ADGRL1: variants seen among roughly 807,000 people sequenced by gnomAD.
ADGRL1 encodes adhesion G protein-coupled receptor L1, also known as CIRL-1.
Under a neutral mutation model 148.9 loss-of-function variants are expected in ADGRL1, and 31 were observed. That is an observed-to-expected ratio of 0.21 (90% confidence interval 0.16 to 0.28). The LOEUF is 0.28. Ranked by LOEUF, ADGRL1 falls within the 10% of genes least tolerant of loss-of-function variation. The pLI is 1.00. For synonymous variants in ADGRL1, 937 were observed against 900.3 expected, an observed-to-expected ratio of 1.04 and a Z score of -0.73; for missense variants, 1,521 against 2,058.8, an observed-to-expected ratio of 0.74 and a Z score of 5.05.
intron 1 of ADGRL1, among the ~76,000 whole-genome samples, chr19:14,186,750 G>A (rs1331944819): frequency 1.3e-5 from 2 of 152,098 alleles, no homozygotes. Context: ...GTGAACTGGT[G>A]CCACCAAGCT....
At chr19:14,196,668 G>C (rs1972284299) in intron 1 of ADGRL1, among the ~76,000 whole-genome samples, 1 of 152,138 alleles carries the variant, frequency 6.6e-6, no homozygotes, top group South Asian at 2.1e-4. Flanking sequence ...ACCAGGCACT[G>C]TTCTGCCTTA....
At chr19:14,194,068 C>T (rs1405764555) in intron 1 of ADGRL1, among the ~76,000 whole-genome samples, 3 of 152,160 alleles carry the variant, frequency 2.0e-5, no homozygotes, top group African/African-American at 4.8e-5. Context: ...ACAGTGAGAC[C>T]CCAGCTCTAC....
intron 2 of ADGRL1, among the ~76,000 whole-genome samples, chr19:14,181,160 G>T (rs1971164884): frequency 6.6e-6 from 1 of 152,248 alleles, no homozygotes; most frequent in Non-Finnish European, 1.5e-5. Context: ...CCCCAAACTT[G>T]TCATTGGTGT....
intron 3 of ADGRL1, among the ~76,000 whole-genome samples, chr19:14,175,330 TACAC>T (rs1203624826): frequency 1.3e-5 from 2 of 151,814 alleles, no homozygotes; most frequent in Admixed American, 6.6e-5. Context: ...CTCATCCACA[TACAC>T]ACATCTGCCC....
chr19:14,203,622 G>C (rs2145196272), intron 1 of ADGRL1, among the ~76,000 whole-genome samples: 1 of 137,004 alleles, frequency 7.3e-6, no homozygotes, highest in Non-Finnish European at 1.6e-5. Context: ...GTGCCCACAG[G>C]GTCCTCCAAG....
At chr19:14,167,853 C>G (rs112966063) in intron 4 of ADGRL1, among the ~76,000 whole-genome samples, 6 of 152,148 alleles carry the variant, frequency 3.9e-5, no homozygotes, top group Admixed American at 2.6e-4. Context: ...GTCTGAGGCT[C>G]GGCTTCTCTG....
chr19:14,193,771 G>C (rs1222270142), intron 1 of ADGRL1, among the ~76,000 whole-genome samples: 4 of 152,232 alleles, frequency 2.6e-5, no homozygotes, highest in Admixed American at 2.6e-4. Flanking sequence ...AGAAGACCAT[G>C]TGACCATGAA....
chr19:14,156,569 G>T (rs929283804), intron 16 of ADGRL1, 89 bp downstream of exon 16: 11 of 885,254 alleles, frequency 1.2e-5, no homozygotes, highest in Admixed American at 8.3e-5. Context: ...GTGTGTGTGG[G>T]GGGGGTGGGG....
chr19:14,167,853 C>A (rs112966063), intron 4 of ADGRL1, among the ~76,000 whole-genome samples: 1 of 152,148 alleles, frequency 6.6e-6, no homozygotes, highest in African/African-American at 2.4e-5. Context: ...GTCTGAGGCT[C>A]GGCTTCTCTG....
At chr19:14,185,592 C>A (rs951450809) in intron 1 of ADGRL1, among the ~76,000 whole-genome samples, 9 of 152,284 alleles carry the variant, frequency 5.9e-5, no homozygotes, top group Middle Eastern at 3.4e-3. Context: ...CTGTGCTGGC[C>A]AGAAACACAC....
chr19:14,160,105 GC>G lies in ADGRL1; in HGVS notation c.1800+6del. The G allele has an allele frequency of 6.4e-7, 1 of 1,574,534 alleles. No homozygotes were observed. The highest frequency in any genetic ancestry group is 1.1e-5 in the South Asian group (1 of 89,030). ...CATACCAGGTCAGCGCCACCGCCAG[GC>G]CCCACCTTGTTGTAGTTCTTGCCGG... is the stretch of plus-strand genomic sequence containing the variant. On this transcript the variant is annotated splice_donor_region_variant and intron_variant, in intron 8 of 22. Transcript: ENST00000361434. The surrounding 1 kb of genome is among the most constrained non-coding windows in gnomAD (Gnocchi z 5.9).
In ADGRL1 at chr19:14,162,651, C is replaced by T. The variant is rs1263631822; in HGVS notation, c.1150G>A (p.Val384Met). 10 of 1,613,268 alleles carry T rather than the reference C, an allele frequency of 6.2e-6. No homozygotes were observed. Among genetic ancestry groups the T allele is most frequent in the Admixed American group, 3.3e-5 (2 of 59,984 alleles). The change falls in exon 5 of 23, where the codon GTG (valine) becomes ATG (methionine). Residue 384 changes from valine to methionine, a missense_variant. This residue lies in a region of ADGRL1 where 270 missense variants were observed against 320.4 expected (regional missense o/e 0.84). Coordinates refer to ENST00000361434, the MANE Select transcript of ADGRL1 (RefSeq NM_014921.5). This position sits in a 1 kb window ranked among gnomAD's most constrained non-coding sequence, Gnocchi z 5.4. Reference sequence around the variant, plus strand: ...CCGAACTCCAGGCTGTAGCGCACCACGAAATAGTTGTTCCAGACGTACAGC... The same window carrying T: ...CCGAACTCCAGGCTGTAGCGCACCATGAAATAGTTGTTCCAGACGTACAGC... ...NQLYVWNNYF[V>M]VRYSLEFGPP...
At position 14,158,359 on chromosome 19, in the gene ADGRL1, G is replaced by A. The variant is rs760317415; in HGVS notation, c.2343C>T (p.Ile781=). 2.7e-5 allele frequency: 43 copies of A among 1,613,644 alleles called. No individual in the cohort carries two copies. Among genetic ancestry groups the A allele is most frequent in the Non-Finnish European group, 3.5e-5 (41 of 1,180,028 alleles). Residue 781 remains isoleucine, a synonymous_variant, in exon 12 of 23, where the codon ATC becomes ATT. Coordinates refer to ENST00000361434, the MANE Select transcript of ADGRL1 (RefSeq NM_014921.5). ...SSRVFLMDPV[I]FTVAHLEDKN... ...TCACCTCCAGGTGGGCCACGGTGAA[G>A]ATGACAGGGTCCATGAGGAAGACGC...
Position 14,160,261 on chromosome 19 carries a change from C to G in ADGRL1, c.1651G>C (p.Glu551Gln), listed in dbSNP as rs1969215215. 6.3e-7 allele frequency: 1 copy of G among 1,593,062 alleles called. No homozygotes were observed. The highest frequency in any genetic ancestry group is 8.6e-7 in the Non-Finnish European group (1 of 1,163,018). ...GAGCCCCGGGTGTGTCGGGCCAGCT[C>G]GCTGGCGATGTTGGCCGCGTTCTCC... ...SGENAANIAS[E>Q]LARHTRGSIY... The change falls in exon 8 of 23, where the codon GAG becomes CAG. Residue 551 changes from glutamate to glutamine, a missense_variant. Glu to Gln is a conservative substitution (Grantham distance 29). Transcript: ENST00000361434. The surrounding 1 kb of genome is among the most constrained non-coding windows in gnomAD (Gnocchi z 5.9).
At chr19:14,195,824 G>A (rs1234097640) in intron 1 of ADGRL1, among the ~76,000 whole-genome samples, 1 of 152,148 alleles carries the variant, frequency 6.6e-6, no homozygotes, top group Admixed American at 6.5e-5. Context: ...GACAGAGCAC[G>A]TGCCCAGAGA....
rs781735623 is a variant in ADGRL1, at chr19:14,151,328, C to G, written c.3955G>C (p.Gly1319Arg). ...TCGGCCCGGTCAGCACCCCCGGGCC[C>G]GCCCGCCTCTTCCTCGCCCCCGCCC... The part of the protein sequence containing the change: ...PGGGGEEEAG[G>R]PGGADRAEIE... Residue 1319 changes from glycine to arginine, a missense_variant, in exon 23 of 23, where the codon GGG (glycine) becomes CGG (arginine). Transcript: ENST00000361434. The G allele has an allele frequency of 3.8e-6, 6 of 1,593,302 alleles. No individual in the cohort carries two copies. The highest frequency in any genetic ancestry group is 5.1e-6 in the Non-Finnish European group (6 of 1,171,178).
intron 3 of ADGRL1, among the ~76,000 whole-genome samples, chr19:14,175,480 CCA>C (rs893744729): frequency 4.6e-5 from 7 of 151,508 alleles, no homozygotes; most frequent in African/African-American, 9.7e-5. Flanking sequence ...ATGCTCACAC[CCA>C]CACCCGCTCA....
rs777419376 is a variant in ADGRL1 at position 14,155,360 on chromosome 19, T to A, written c.3293A>T (p.Lys1098Met). 1 of 1,613,568 alleles carries A rather than the reference T, an allele frequency of 6.2e-7. No individual in the cohort carries two copies. The highest frequency in any genetic ancestry group is 8.5e-7 in the Non-Finnish European group (1 of 1,179,694). ...IFVFHCALQK[K>M]VHKEYSKCLR... Reference sequence around the variant, plus strand: ...CCCAGGACCCCGCCTCGACCTCACCTTCTTCTGTAAGGCGCAGTGAAAGAC... The same window carrying A: ...CCCAGGACCCCGCCTCGACCTCACCATCTTCTGTAAGGCGCAGTGAAAGAC... The change falls in exon 18 of 23, where the codon AAG becomes ATG. Residue 1098 changes from lysine to methionine, a missense_variant and splice_region_variant. By Grantham distance (95) the Lys-to-Met change is moderately conservative. Around this residue, in one of 8 missense-constraint regions of ADGRL1, gnomAD observed 185 missense variants for 251.7 expected, o/e 0.74. Transcript: ENST00000361434. The surrounding 1 kb of genome is among the most constrained non-coding windows in gnomAD (Gnocchi z 5.0).
chr19:14,179,934 C>T (rs568835640), intron 2 of ADGRL1, among the ~76,000 whole-genome samples: 2 of 152,150 alleles, frequency 1.3e-5, no homozygotes, highest in Admixed American at 6.5e-5. Context: ...TTTGTTAGGG[C>T]GGCCCTAGTT....
Sources: allele counts gnomAD v4.1 joint callset (sites outside exome capture counted in the v4.1 genomes callset), GRCh38; gene constraint gnomAD v4.1.1; regional missense constraint gnomAD v4.1.1; non-coding constraint Gnocchi (gnomAD v3.1); transcripts MANE v1.5; gene names NCBI Gene and HGNC (gene_info 2026-07-23, HGNC 2026-07-21).